CA11: variants seen among roughly 807,000 people sequenced by gnomAD.
The protein encoded by CA11 is carbonic anhydrase 11 (inactive), also known as carbonic anhydrase-related protein 11.
Under a neutral mutation model 39.3 loss-of-function variants are expected in CA11, and 20 were observed. The observed-to-expected ratio is 0.51, with a 90% confidence interval of 0.36 to 0.74. The LOEUF is 0.74. CA11 is among the 30% of genes least tolerant of loss of function. CA11 has a pLI of 0.00. For missense variants in CA11, 336 were observed against 424.6 expected (o/e 0.79, Z 1.83); for synonymous variants, 166 against 172.5 (o/e 0.96, Z 0.29).
At chr19:48,638,771 G>A (rs1221195461) in intron 8 of CA11, 117 bp downstream of exon 8, 7 of 1,130,558 alleles carry the variant, frequency 6.2e-6, no homozygotes, top group East Asian at 2.6e-5. Context: ...CAGCTCACGA[G>A]GCTAGACCAT....
rs1008020295 is a variant in CA11, at chr19:48,639,536, G to A, written c.640+13C>T. The A allele has an allele frequency of 1.2e-6, 2 of 1,613,830 alleles. No homozygotes were observed. Among genetic ancestry groups the A allele is most frequent in the African/African-American group, 2.7e-5 (2 of 74,854 alleles). ...CGTGTGTGACCACTGCCCCCAGCACGCCAGGGACTTACTCTTGTAGGAGAT... is the reference window on the plus strand; with the variant it reads ...CGTGTGTGACCACTGCCCCCAGCACACCAGGGACTTACTCTTGTAGGAGAT... On this transcript the variant is annotated intron_variant, in intron 6 of 8. Coordinates refer to ENST00000084798, the MANE Select transcript of CA11 (RefSeq NM_001217.5).
chr19:48,641,429 T>C (rs1436611327), intron 3 of CA11, among the ~76,000 whole-genome samples: 1 of 152,212 alleles, frequency 6.6e-6, no homozygotes, highest in Non-Finnish European at 1.5e-5. Context: ...GATGCAAGAA[T>C]AGAGCAATAA....
intron 4 of CA11, 78 bp from the exon 5 acceptor site, chr19:48,639,961 G>A: frequency 6.6e-7 from 1 of 1,524,606 alleles, no homozygotes; most frequent in South Asian, 1.1e-5. Flanking sequence ...GCCCGAATCA[G>A]GCTGAGGATT....
rs771068624 is a variant in CA11, at chr19:48,638,132, G to A, written c.974C>T (p.Pro325Leu). ...PNYRLHVDGV[P>L]HGR Reference sequence around the variant, plus strand: ...CGAAGGGGAGTCTCAGCGACCATGGGGGACACCATCCACTGTAAGACAGAG... The same window carrying A: ...CGAAGGGGAGTCTCAGCGACCATGGAGGACACCATCCACTGTAAGACAGAG... The change falls in exon 9 of 9, where the codon CCC (proline) becomes CTC (leucine). Residue 325 changes from proline to leucine, a missense_variant. Pro to Leu is a moderately conservative substitution (Grantham distance 98). Coordinates refer to ENST00000084798, the MANE Select transcript of CA11 (RefSeq NM_001217.5). 41 of 1,343,462 alleles carry A rather than the reference G, an allele frequency of 3.1e-5. 1 individual carries two copies. The highest frequency in any genetic ancestry group is 1.7e-4 in the Admixed American group (5 of 29,486). The allele number at this position is 1,343,462 out of a possible 1,614,324, so 83.2% of individuals were successfully genotyped here.
rs776101282 is a variant in CA11, at chr19:48,644,523, A to G, written c.189T>C (p.Ala63=). Residue 63 remains alanine (A), a synonymous_variant, in exon 3 of 9, where the codon GCT becomes GCC. Transcript: ENST00000084798. ...GLVNAAWSLC[A]VGKRQSPVDV... ...CCACGGGGCTCTGCCGCTTCCCCAC[A>G]GCACACAGACTCCACGCTGCATTCA... The G allele has an allele frequency of 4.3e-6, 7 of 1,611,306 alleles. No homozygotes were observed. The highest frequency in any genetic ancestry group is 1.7e-5 in the Admixed American group (1 of 59,820).
In CA11 at chr19:48,644,529, C is replaced by T; in HGVS notation, c.183G>A (p.Leu61=). 25 of 1,610,342 alleles carry T rather than the reference C, an allele frequency of 1.6e-5. No individual in the cohort carries two copies. Among genetic ancestry groups the T allele is most frequent in the Non-Finnish European group, 2.0e-5 (24 of 1,177,786 alleles). Residue 61 remains leucine, a synonymous_variant, in exon 3 of 9, where the codon CTG becomes CTA. Transcript: ENST00000084798. ...GGCTCTGCCGCTTCCCCACAGCACA[C>T]AGACTCCACGCTGCATTCACCAGGC... ...FWGLVNAAWS[L]CAVGKRQSPV...
At chr19:48,638,855 C>A in intron 8 of CA11, 33 bp downstream of exon 8, 1 of 1,527,912 alleles carries the variant, frequency 6.5e-7, no homozygotes, top group East Asian at 2.3e-5. Flanking sequence ...AGGGTTAGCC[C>A]AAGACTTAGA....
intron 3 of CA11, among the ~76,000 whole-genome samples, chr19:48,640,730 A>G (rs2031053427): frequency 6.8e-6 from 1 of 146,866 alleles, no homozygotes; most frequent in Non-Finnish European, 1.5e-5. Flanking sequence ...GTTGGAGTGC[A>G]GTGGCGAGAG....
At chr19:48,639,667 G>A (rs1355645587) in intron 5 of CA11, 46 bp from the exon 6 acceptor site, 1 of 1,604,210 alleles carries the variant, frequency 6.2e-7, no homozygotes. Context: ...AGAAGTCCAA[G>A]CCCTCAACCT....
At chr19:48,639,955 G>A in intron 4 of CA11, 72 bp from the exon 5 acceptor site, 1 of 1,529,900 alleles carries the variant, frequency 6.5e-7, no homozygotes, top group South Asian at 1.1e-5. Flanking sequence ...TTGGGGGCCC[G>A]AATCAGGCTG....
intron 3 of CA11, among the ~76,000 whole-genome samples, 176 bp from the exon 4 acceptor site, chr19:48,640,456 C>T (rs1383143239): frequency 2.8e-5 from 4 of 145,242 alleles, no homozygotes; most frequent in Admixed American, 7.2e-5. Flanking sequence ...CTCACCGCAA[C>T]CTCCGCCTCC....
At chr19:48,639,997 T>C in intron 4 of CA11, 98 bp downstream of exon 4, 1 of 1,509,834 alleles carries the variant, frequency 6.6e-7, no homozygotes, top group Non-Finnish European at 9.1e-7. Flanking sequence ...AGGCCAGTTC[T>C]GTGGAGGAGG....
At position 48,644,555 on chromosome 19, in the gene CA11, C is replaced by A. The variant is rs1225097421; in HGVS notation, c.157G>T (p.Gly53Cys). The change falls in exon 3 of 9, where the codon GGC becomes TGC. Residue 53 changes from glycine (G) to cysteine (C), a missense_variant. Coordinates refer to ENST00000084798, the MANE Select transcript of CA11 (RefSeq NM_001217.5). ...AGACTCCACGCTGCATTCACCAGGC[C>A]CCAGAAAGGAGGCCCTGGGGGTGGG... ...GNFVPGPPFW[G>C]LVNAAWSLCA... 1.3e-6 allele frequency: 2 copies of A among 1,593,082 alleles called. No homozygotes were observed. Among genetic ancestry groups the A allele is most frequent in the Non-Finnish European group, 1.7e-6 (2 of 1,168,308 alleles).
Position 48,638,048 on chromosome 19 carries a change from G to A in CA11, c.*71C>T. 1 of 1,171,392 alleles carries A rather than the reference G, an allele frequency of 8.5e-7. No homozygotes were observed. The highest frequency in any genetic ancestry group is 1.2e-6 in the Non-Finnish European group (1 of 857,426). 72.6% of individuals were successfully genotyped at this position (1,171,392 alleles called of 1,614,324 possible). A position where few individuals can be genotyped will look rare whatever the true frequency, so the allele number is the denominator to read the frequency against. Reference sequence around the variant, plus strand: ...AGTATTCTGTCCCTTTAATAGCTTTGTTTTAGGGGTAACTCCCCTCGCCTT... The same window carrying A: ...AGTATTCTGTCCCTTTAATAGCTTTATTTTAGGGGTAACTCCCCTCGCCTT... On this transcript the variant is annotated 3_prime_UTR_variant, in exon 9 of 9. Transcript: ENST00000084798.
In CA11 at chr19:48,639,885, TG is replaced by T. The variant is rs1400801915; in HGVS notation, c.472-3del. The T allele has an allele frequency of 1.2e-6, 2 of 1,612,696 alleles. No homozygotes were observed. Among genetic ancestry groups the T allele is most frequent in the Admixed American group, 1.7e-5 (1 of 59,976 alleles). The stretch of plus-strand genomic sequence containing the variant: ...CTGGTTGAAGTGAATGAGCTGCACC[TG>T]GGGGTAGCACAGAGCATGGGGTCCC... On this transcript the variant is annotated splice_region_variant and splice_polypyrimidine_tract_variant and intron_variant, in intron 4 of 8. Coordinates refer to ENST00000084798, the MANE Select transcript of CA11 (RefSeq NM_001217.5).
In CA11 at chr19:48,639,598, G is replaced by A. The variant is rs146524258; in HGVS notation, c.591C>T (p.Phe197=). ...FVNVASTSNP[F]LSRLLNRDTI... is the part of the protein sequence containing the mutation. ...TGTCGCGGTTAAGGAGGCGACTGAGGAATGGGTTAGAGGTACTGGCAACCT... is the reference window on the plus strand; with the variant it reads ...TGTCGCGGTTAAGGAGGCGACTGAGAAATGGGTTAGAGGTACTGGCAACCT... The change falls in exon 6 of 9, where the codon TTC becomes TTT. Residue 197 remains phenylalanine (F), a synonymous_variant. Transcript: ENST00000084798. 656 of 1,613,996 alleles carry A rather than the reference G, an allele frequency of 4.1e-4. No individual in the cohort carries two copies. Among genetic ancestry groups the A allele is most frequent in the Non-Finnish European group, 5.1e-4 (598 of 1,179,966 alleles).
rs968574316 is a variant in CA11, at chr19:48,643,952, G to A, written c.285+475C>T. ...CTGCTAAAAATACAAAAAATTAGCT[G>A]GGCGTGATGGTGCGCATGCCTGTAA... On this transcript the variant is annotated intron_variant, in intron 3 of 8. Transcript: ENST00000084798. The surrounding 1 kb of genome is among the most constrained non-coding windows in gnomAD (Gnocchi z 4.3). Among the ~76,000 whole-genome samples, 1 of 152,008 alleles carries A rather than the reference G, an allele frequency of 6.6e-6. No individual in the cohort carries two copies. Among genetic ancestry groups the A allele is most frequent in the Non-Finnish European group, 1.5e-5 (1 of 68,016 alleles).
Position 48,645,897 on chromosome 19 carries a change from G to T in CA11, c.-265C>A. 1 of 499,156 alleles carries T rather than the reference G, an allele frequency of 2.0e-6. No homozygotes were observed. The highest frequency in any genetic ancestry group is 3.5e-6 in the Non-Finnish European group (1 of 286,102). 30.9% of individuals were successfully genotyped at this position (499,156 alleles called of 1,614,324 possible). On this transcript the variant is annotated 5_prime_UTR_variant, in exon 1 of 9. Coordinates refer to ENST00000084798, the MANE Select transcript of CA11 (RefSeq NM_001217.5). ...ACCCTCCAGTCTCCCTCTAGCTCCT[G>T]ATCTTCCTACTCCTCTCAGCCTTCT...
Position 48,638,959 on chromosome 19 carries a change from C to G in CA11, c.890G>C (p.Arg297Thr), listed in dbSNP as rs1419994519. The change falls in exon 8 of 9, where the codon AGG becomes ACG. Residue 297 changes from arginine (R) to threonine (T), a missense_variant. Physicochemically the swap from Arg to Thr is moderately conservative, Grantham distance 71. Transcript: ENST00000084798. Reference sequence around the variant, plus strand: ...GGGGTCCCTGTTGCCCCTCAGTGCCCTGTGGGCCAAGGGCTGCAGGGGCCG... The same window carrying G: ...GGGGTCCCTGTTGCCCCTCAGTGCCGTGTGGGCCAAGGGCTGCAGGGGCCG... ...NSRPLQPLAH[R>T]ALRGNRDPRH... 1 of 1,613,204 alleles carries G rather than the reference C, an allele frequency of 6.2e-7. No individual in the cohort carries two copies. Among genetic ancestry groups the G allele is most frequent in the African/African-American group, 1.3e-5 (1 of 74,992 alleles).
Sources: gnomAD v4.1 joint callset for allele counts (sites outside exome capture counted in the v4.1 genomes callset) on GRCh38, gnomAD v4.1.1 for gene constraint, Gnocchi (gnomAD v3.1) non-coding constraint, MANE v1.5 for transcripts, NCBI Gene and HGNC (gene_info 2026-07-23, HGNC 2026-07-21) for gene names.